Variants in SPATA13 observed in about 807,000 individuals in gnomAD.
The protein encoded by SPATA13 is spermatogenesis-associated protein 13.
A neutral mutation model predicts 104.0 loss-of-function variants in SPATA13; 50 were observed. The ratio of observed to expected loss-of-function variants is 0.48; its 90% CI spans 0.38 to 0.61. The LOEUF (loss-of-function observed/expected upper bound fraction) is 0.61, where lower values mean the gene tolerates loss of function less well. Ranked by LOEUF, SPATA13 falls within the 20% of genes least tolerant of loss-of-function variation. The pLI is 0.00. For missense variants in SPATA13, 1,524 were observed against 1,690.6 expected, an observed-to-expected ratio of 0.90 and a Z score of 1.73; for synonymous variants, 606 against 667.5, an observed-to-expected ratio of 0.91 and a Z score of 1.42.
At chr13:24,268,909 T>TG (rs746261616) in intron 4 of SPATA13, among the ~76,000 whole-genome samples, 3 of 152,180 alleles carry the variant, frequency 2.0e-5, no homozygotes, top group Non-Finnish European at 4.4e-5. Flanking sequence ...GAGGGTGGGA[T>TG]GCTCCAGATC....
Position 24,286,866 on chromosome 13 carries a change from C to T in SPATA13, c.2583C>T (p.Asn861=). 6.2e-7 allele frequency: 1 copy of T among 1,613,954 alleles called. No homozygotes were observed. The highest frequency in any genetic ancestry group is 8.5e-7 in the Non-Finnish European group (1 of 1,180,022). The change falls in exon 7 of 13, where the codon AAC becomes AAT. Residue 861 remains asparagine (N), a synonymous_variant. Coordinates refer to ENST00000382108, the MANE Select transcript of SPATA13 (RefSeq NM_001166271.3). The surrounding 1 kb of genome is among the most constrained non-coding windows in gnomAD (Gnocchi z 4.9). ...ASQSRHRHCE[N]KQQMRTNVIR... ...AGAGCCGCCACAGACACTGTGAGAA[C>T]AAGCAGCAGATGCGGACCAACGTCA...
intron 4 of SPATA13, chr13:24,254,384 T>C (rs1179233869): frequency 6.6e-6 from 1 of 152,258 alleles, no homozygotes; most frequent in African/African-American, 2.4e-5. Context: ...CCTCTCCAAA[T>C]TAGTCACTGC....
chr13:24,018,581 C>T (rs988037391), intron 3 of SPATA13, among the ~76,000 whole-genome samples: 7 of 152,164 alleles, frequency 4.6e-5, no homozygotes, highest in Admixed American at 6.6e-5. Flanking sequence ...GAGAGGTCTA[C>T]GCATTAATAG....
chr13:24,058,572 A>G (rs1224057084), intron 3 of SPATA13, among the ~76,000 whole-genome samples: 1 of 151,906 alleles, frequency 6.6e-6, no homozygotes, highest in Non-Finnish European at 1.5e-5. Flanking sequence ...AGATTCTAGC[A>G]GAGGAAATTA....
chr13:24,216,215 T>G (rs558974608), intron 1 of SPATA13, among the ~76,000 whole-genome samples: 1 of 152,282 alleles, frequency 6.6e-6, no homozygotes, highest in South Asian at 2.1e-4. Flanking sequence ...TACCTGCCCT[T>G]TCATCTCTCA....
At chr13:24,271,088 G>A (rs1408810138) in intron 4 of SPATA13, among the ~76,000 whole-genome samples, 1 of 150,436 alleles carries the variant, frequency 6.6e-6, no homozygotes, top group African/African-American at 2.5e-5. Flanking sequence ...TGCTTGTCAG[G>A]TGTGAGCCTG....
In SPATA13 at chr13:24,013,308, A is replaced by G. The variant is rs181011059; in HGVS notation, c.-146-4359A>G. Among the ~76,000 whole-genome samples, 91 of 152,300 alleles carry G rather than the reference A, an allele frequency of 6.0e-4. 1 individual carries two copies. The highest frequency in any genetic ancestry group is 3.4e-3 in the Middle Eastern group (1 of 294). On this transcript the variant is annotated intron_variant, in intron 2 of 14. Transcript: ENST00000424834. ...AGCACCCTGGCTTCCACAGCATTGC[A>G]TGCCCACTGCCAGCCCGTTCCTCCC...
intron 4 of SPATA13, among the ~76,000 whole-genome samples, chr13:24,256,192 C>T (rs9551086): frequency 0.42 from 63,161 of 151,944 alleles, 15,689 homozygotes; most frequent in East Asian, 0.61. Flanking sequence ...ATTTCTCCTC[C>T]CTGGTCAAGT....
At chr13:24,117,123 A>G (rs1197359811) in intron 3 of SPATA13, among the ~76,000 whole-genome samples, 2 of 152,260 alleles carry the variant, frequency 1.3e-5, no homozygotes, top group African/African-American at 4.8e-5. Context: ...TGCACTTTCT[A>G]TAAATGTAAT....
chr13:24,002,234 T>C (rs903930192), intron 2 of SPATA13, among the ~76,000 whole-genome samples: 5 of 152,122 alleles, frequency 3.3e-5, no homozygotes, highest in Admixed American at 2.6e-4. Context: ...ATTCAATAGC[T>C]CACTGTAACA....
chr13:24,138,740 C>A lies in SPATA13; in HGVS notation c.-111-84079C>A, dbSNP rs373482395. Among the ~76,000 whole-genome samples, 619 of 148,114 alleles carry A rather than the reference C, an allele frequency of 4.2e-3. 5 individuals carry two copies. Among genetic ancestry groups the A allele is most frequent in the African/African-American group, 0.014 (580 of 40,088 alleles). On this transcript the variant is annotated intron_variant, in intron 3 of 14. Transcript: ENST00000424834. ...CTGGGACTACAGGCTTGTGCCACCA[C>A]CCCTGGCTAATTTTTTTTTTTTTTT... is the stretch of plus-strand genomic sequence containing the variant.
intron 2 of SPATA13, among the ~76,000 whole-genome samples, chr13:24,246,512 T>C (rs960920448): frequency 1.3e-5 from 2 of 152,162 alleles, no homozygotes; most frequent in African/African-American, 4.8e-5. Flanking sequence ...ACATGTTTAT[T>C]CACATGCCTG....
upstream of SPATA13, among the ~76,000 whole-genome samples, chr13:24,157,048 G>A (rs1051004374): frequency 1.3e-5 from 2 of 152,172 alleles, no homozygotes; most frequent in Non-Finnish European, 2.9e-5. Context: ...ATCTCTGAGT[G>A]ACCTCCCAGC....
intron 1 of SPATA13, among the ~76,000 whole-genome samples, chr13:24,185,959 C>T (rs1255949012): frequency 1.3e-5 from 2 of 152,082 alleles, no homozygotes; most frequent in Non-Finnish European, 1.5e-5. Context: ...AATCTTAAGG[C>T]CAAATTTCTT....
At chr13:24,153,264 C>A (rs1882158458) in intron 3 of SPATA13, among the ~76,000 whole-genome samples, 1 of 152,210 alleles carries the variant, frequency 6.6e-6, no homozygotes, top group Non-Finnish European at 1.5e-5. Context: ...GTCCTGGCAC[C>A]TCTGATGTGG....
At chr13:24,080,506 G>A (rs1593316552) in intron 3 of SPATA13, among the ~76,000 whole-genome samples, 1 of 152,220 alleles carries the variant, frequency 6.6e-6, no homozygotes, top group Non-Finnish European at 1.5e-5. Context: ...TTGGTGGGAA[G>A]GGAGGATGGG....
intron 1 of SPATA13, among the ~76,000 whole-genome samples, chr13:24,213,865 T>TAAATATTTAGAATATTTAGAAAA: frequency 6.6e-6 from 1 of 152,242 alleles, no homozygotes; most frequent in Non-Finnish European, 1.5e-5. Context: ...AGAATACTAC[T>TAAATATTTAGAATATTTAGAAAA]TGTTCAACAG....
chr13:24,131,735 G>A (rs1881394459), intron 3 of SPATA13, among the ~76,000 whole-genome samples: 1 of 152,178 alleles, frequency 6.6e-6, no homozygotes, highest in African/African-American at 2.4e-5. Context: ...GAAGGATAGG[G>A]ACAACCAATG....
chr13:24,156,823 C>T (rs930502877), upstream of SPATA13, among the ~76,000 whole-genome samples: 1 of 152,118 alleles, frequency 6.6e-6, no homozygotes, highest in Non-Finnish European at 1.5e-5. Flanking sequence ...TTCCTAGAAC[C>T]CACATGGACA....
Sources: gnomAD v4.1 joint callset for allele counts (sites outside exome capture counted in the v4.1 genomes callset) on GRCh38, gnomAD v4.1.1 for gene constraint, Gnocchi (gnomAD v3.1) non-coding constraint, MANE v1.5 for transcripts, NCBI Gene and HGNC (gene_info 2026-07-23, HGNC 2026-07-21) for gene names.